FAM120A: variants seen among roughly 807,000 people sequenced by gnomAD.
FAM120A encodes the protein constitutive coactivator of PPAR-gamma-like protein 1.
FAM120A carries 15 observed loss-of-function variants against 109.7 expected under a neutral mutation model. The observed-to-expected ratio is 0.14, with a 90% CI of 0.09 to 0.21. The LOEUF (loss-of-function observed/expected upper bound fraction) is 0.21. Ranked by LOEUF, FAM120A falls within the 10% of genes least tolerant of loss-of-function variation. The pLI, the probability that FAM120A is intolerant of heterozygous loss-of-function variation, is 1.00. For synonymous variants in FAM120A, 493 were observed against 572.8 expected (o/e 0.86, Z 1.99); for missense variants, 899 against 1,439.3 (o/e 0.62, Z 6.07).
In FAM120A at chr9:93,565,716, C is replaced by G. The variant is rs959330728; in HGVS notation, c.*1176C>G. 8 of 151,554 alleles carry G rather than the reference C, an allele frequency of 5.3e-5. No individual in the cohort carries two copies. The highest frequency in any genetic ancestry group is 1.9e-4 in the African/African-American group (8 of 41,208). 9.4% of individuals were successfully genotyped at this position (151,554 alleles called of 1,614,324 possible). A position where few individuals can be genotyped will look rare whatever the true frequency, so the allele number is the denominator to read the frequency against. On this transcript the variant is annotated 3_prime_UTR_variant, in exon 18 of 18. Coordinates refer to ENST00000277165, the MANE Select transcript of FAM120A (RefSeq NM_014612.5). The stretch of plus-strand genomic sequence containing the variant: ...TCTTAAAAAAAAAAAAACCACCCCC[C>G]CCTTCTGTAGCAGGAAACAAATTGC...
rs149702573 is a variant in FAM120A, at chr9:93,538,522, C to T, written c.1910-4700C>T. Among the ~76,000 whole-genome samples, 390 of 152,308 alleles carry T rather than the reference C, an allele frequency of 2.6e-3. 2 individuals are homozygous for T. The highest frequency in any genetic ancestry group is 8.8e-3 in the African/African-American group (364 of 41,554). ...TAATAGTAGCTGCTCCCTAAATACA[C>T]ACAACCAGAAGTCTAGTCGGCCACC... On this transcript the variant is annotated intron_variant, in intron 10 of 17. Transcript: ENST00000277165.
chr9:93,546,597 C>T (rs1861900821), intron 11 of FAM120A, among the ~76,000 whole-genome samples: 1 of 152,198 alleles, frequency 6.6e-6, no homozygotes, highest in South Asian at 2.1e-4. Context: ...GGCATTGTCT[C>T]CCAGCCCACT....
intron 1 of FAM120A, among the ~76,000 whole-genome samples, chr9:93,460,048 C>T (rs1446275718): frequency 6.6e-6 from 1 of 152,186 alleles, no homozygotes; most frequent in Admixed American, 6.5e-5. Context: ...CTATGTCTAA[C>T]ATGTTTAGAT....
intron 7 of FAM120A, among the ~76,000 whole-genome samples, chr9:93,521,141 C>T (rs750513262): frequency 5.9e-5 from 9 of 152,026 alleles, no homozygotes; most frequent in Middle Eastern, 3.2e-3. Flanking sequence ...TGTGCCTGCC[C>T]GATGTATTTT....
chr9:93,472,991 C>T (rs1858376286), intron 2 of FAM120A, among the ~76,000 whole-genome samples: 4 of 151,764 alleles, frequency 2.6e-5, no homozygotes, highest in African/African-American at 9.7e-5. Flanking sequence ...CTATGCTTTT[C>T]AAGTTTTCAT....
intron 3 of FAM120A, among the ~76,000 whole-genome samples, chr9:93,478,772 G>A (rs557003619): frequency 5.3e-5 from 8 of 152,216 alleles, no homozygotes; most frequent in Admixed American, 2.6e-4. Context: ...CACAGCACCC[G>A]GCTCACTTTA....
intron 1 of FAM120A, among the ~76,000 whole-genome samples, chr9:93,466,430 T>C (rs1327955176): frequency 6.6e-6 from 1 of 152,160 alleles, no homozygotes; most frequent in African/African-American, 2.4e-5. Flanking sequence ...GTGTGACACA[T>C]GCCATCCTTT....
chr9:93,473,858 A>G (rs1858425980), intron 2 of FAM120A, among the ~76,000 whole-genome samples: 2 of 152,246 alleles, frequency 1.3e-5, no homozygotes, highest in South Asian at 4.1e-4. Context: ...GTGGCACATT[A>G]TATGGAAAGT....
At chr9:93,474,199 G>T (rs566778077) in intron 2 of FAM120A, among the ~76,000 whole-genome samples, 50 of 152,190 alleles carry the variant, frequency 3.3e-4, no homozygotes, top group African/African-American at 1.1e-3. Context: ...TGTTGTTGTT[G>T]TTTTTTGAGA....
At chr9:93,489,095 C>A (rs1379899135) in intron 3 of FAM120A, among the ~76,000 whole-genome samples, 1 of 151,354 alleles carries the variant, frequency 6.6e-6, no homozygotes, top group Non-Finnish European at 1.5e-5. Context: ...AAAAGGAATT[C>A]ACCGTCTACC....
At chr9:93,486,236 A>G (rs1859046068) in intron 3 of FAM120A, among the ~76,000 whole-genome samples, 1 of 151,420 alleles carries the variant, frequency 6.6e-6, no homozygotes, top group Non-Finnish European at 1.5e-5. Context: ...GGCCTCCCAT[A>G]GTCCTGGGAT....
chr9:93,546,373 C>G (rs893994874), intron 11 of FAM120A, among the ~76,000 whole-genome samples: 2 of 152,176 alleles, frequency 1.3e-5, no homozygotes, highest in South Asian at 2.1e-4. Context: ...TCTGGGGCCC[C>G]GCGGCCATGG....
chr9:93,487,651 A>G (rs1225511179), intron 3 of FAM120A, among the ~76,000 whole-genome samples: 2 of 152,256 alleles, frequency 1.3e-5, no homozygotes, highest in Non-Finnish European at 1.5e-5. Flanking sequence ...CAATAGTGAT[A>G]GAAAGTAGAC....
intron 7 of FAM120A, among the ~76,000 whole-genome samples, chr9:93,520,511 AT>A (rs1860801408): frequency 2.0e-5 from 3 of 152,254 alleles, no homozygotes; most frequent in African/African-American, 7.2e-5. Context: ...TCAAACATTT[AT>A]TTTTAAAAAT....
Position 93,498,971 on chromosome 9 carries a change from T to G in FAM120A, c.1030+85T>G, listed in dbSNP as rs749777687. 1 of 941,224 alleles carries G rather than the reference T, an allele frequency of 1.1e-6. No individual in the cohort carries two copies. Among genetic ancestry groups the G allele is most frequent in the Non-Finnish European group, 1.7e-6 (1 of 587,276 alleles). The allele number at this position is 941,224 out of a possible 1,614,324, so 58.3% of individuals were successfully genotyped here. A position where few individuals can be genotyped will look rare whatever the true frequency, so the allele number is the denominator to read the frequency against. The stretch of plus-strand genomic sequence containing the variant: ...TATTCACCATATAATCTTGTAGGTT[T>G]ATGTTTTTGAAACATGATTTTCTGT... On this transcript the variant is annotated intron_variant, in intron 5 of 17. Coordinates refer to ENST00000277165, the MANE Select transcript of FAM120A (RefSeq NM_014612.5). The surrounding 1 kb of genome is among the most constrained non-coding windows in gnomAD (Gnocchi z 4.4).
chr9:93,548,114 A>G (rs80104616), intron 11 of FAM120A, among the ~76,000 whole-genome samples: 1 of 150,906 alleles, frequency 6.6e-6, no homozygotes, highest in Admixed American at 6.6e-5. Flanking sequence ...AAAAAAAAAA[A>G]TTTTTTTTTG....
At chr9:93,480,360 G>T (rs1293003486) in intron 3 of FAM120A, among the ~76,000 whole-genome samples, 1 of 152,156 alleles carries the variant, frequency 6.6e-6, no homozygotes, top group African/African-American at 2.4e-5. Context: ...GAGACCTGCT[G>T]TTGGGATTCC....
chr9:93,556,329 A>AT, intron 12 of FAM120A, 53 bp from the exon 13 acceptor site: 1 of 1,466,012 alleles, frequency 6.8e-7, no homozygotes, highest in Non-Finnish European at 9.5e-7. Context: ...CTTTGAAAGA[A>AT]TTTAATACTG....
At chr9:93,525,170 A>T (rs972749565) in intron 7 of FAM120A, among the ~76,000 whole-genome samples, 1 of 152,204 alleles carries the variant, frequency 6.6e-6, no homozygotes, top group Non-Finnish European at 1.5e-5. Context: ...TTAGAAGGTT[A>T]TATGGGCATC....
Sources: allele counts gnomAD v4.1 joint callset (sites outside exome capture counted in the v4.1 genomes callset), GRCh38; gene constraint gnomAD v4.1.1; non-coding constraint Gnocchi (gnomAD v3.1); transcripts MANE v1.5; gene names NCBI Gene and HGNC (gene_info 2026-07-23, HGNC 2026-07-21).